Variants in JCAD observed in about 807,000 individuals in gnomAD.
JCAD encodes junctional cadherin 5 associated, also known as junctional cadherin 5-associated protein.
Under a neutral mutation model 98.0 loss-of-function variants are expected in JCAD, and 40 were observed. The ratio of observed to expected loss-of-function variants is 0.41; its 90% CI spans 0.32 to 0.53. The LOEUF (loss-of-function observed/expected upper bound fraction) is 0.53. Ranked by LOEUF, JCAD falls within the 20% of genes least tolerant of loss-of-function variation. The probability of loss-of-function intolerance (pLI) is 0.31; values close to 1 mark genes in which losing one functional copy is unlikely to be tolerated. For synonymous variants in JCAD, 691 were observed against 682.3 expected (o/e 1.01, Z -0.20); for missense variants, 1,705 against 1,738.1 (o/e 0.98, Z 0.34).
intron 1 of JCAD, among the ~76,000 whole-genome samples, chr10:30,073,926 C>A (rs369339028): frequency 2.0e-5 from 3 of 152,022 alleles, no homozygotes; most frequent in Non-Finnish European, 4.4e-5. Flanking sequence ...CACAAGACTG[C>A]GAGATAACAC....
intron 2 of JCAD, among the ~76,000 whole-genome samples, chr10:30,038,451 A>G (rs760195801): frequency 3.3e-5 from 5 of 152,026 alleles, no homozygotes; most frequent in Non-Finnish European, 5.9e-5. Flanking sequence ...TGAGACGCTG[A>G]GGTAGGAGGA....
chr10:30,026,168 C>A lies in JCAD; in HGVS notation c.3980G>T (p.Arg1327Met), dbSNP rs775991777. 17 of 1,614,214 alleles carry A rather than the reference C, an allele frequency of 1.1e-5. No individual in the cohort carries two copies. The highest frequency in any genetic ancestry group is 1.3e-5 in the African/African-American group (1 of 75,062). Reference sequence around the variant, plus strand: ...TGCTGCCGGATGCTCCTTCTCTTCCCTGGAGATGCTGTCCTTGGACACAGA... The same window carrying A: ...TGCTGCCGGATGCTCCTTCTCTTCCATGGAGATGCTGTCCTTGGACACAGA... ...SLSVSKDSIS[R>M]EEKEHPAAQK... The change falls in exon 3 of 4, where the codon AGG (arginine) becomes ATG (methionine). Residue 1327 changes from arginine to methionine, a missense_variant. Physicochemically the swap from Arg to Met is moderately conservative, Grantham distance 91. This residue lies in a region of JCAD where 1,278 missense variants were observed against 1,243.1 expected (regional missense o/e 1.03). Coordinates refer to ENST00000375377, the MANE Select transcript of JCAD (RefSeq NM_020848.4).
At chr10:30,040,562 G>A (rs753920137) in intron 2 of JCAD, among the ~76,000 whole-genome samples, 5 of 152,168 alleles carry the variant, frequency 3.3e-5, no homozygotes, top group African/African-American at 7.2e-5. Context: ...AAATATTTAT[G>A]GAGTATTCGC....
chr10:30,043,043 T>G (rs528462233), intron 2 of JCAD, among the ~76,000 whole-genome samples: 1 of 152,248 alleles, frequency 6.6e-6, no homozygotes, highest in Non-Finnish European at 1.5e-5. Flanking sequence ...AAACTATGTA[T>G]GAAGGAGAAC....
chr10:30,072,776 C>T (rs997448951), intron 1 of JCAD, among the ~76,000 whole-genome samples: 7 of 152,144 alleles, frequency 4.6e-5, no homozygotes, highest in Admixed American at 3.9e-4. Context: ...CCTCAGCCTC[C>T]GAGTAGATGT....
chr10:30,058,084 C>T (rs535258911), intron 1 of JCAD, among the ~76,000 whole-genome samples: 8 of 152,180 alleles, frequency 5.3e-5, no homozygotes. Context: ...TTTGCCAGAG[C>T]ATTTCTGGCT....
rs752913964 is a variant in JCAD, at chr10:30,028,240, G to A, written c.1908C>T (p.Ala636=). ...TTCTCCCACCCATGCTTCCTGTGAG[G>A]GCCTGCAGCTCCAGGTCGGTGGAAG... is the stretch of plus-strand genomic sequence containing the variant. The part of the protein sequence containing the change: ...SMSSTDLELQ[A]LTGSMGGRTE... Residue 636 remains alanine, a synonymous_variant, in exon 3 of 4, where the codon GCC becomes GCT. Transcript: ENST00000375377. The A allele has an allele frequency of 1.2e-6, 2 of 1,613,974 alleles. No individual in the cohort carries two copies. The highest frequency in any genetic ancestry group is 2.7e-5 in the African/African-American group (2 of 74,872).
chr10:30,029,281 A>G lies in JCAD; in HGVS notation c.867T>C (p.Phe289=). 1.2e-6 allele frequency: 2 copies of G among 1,614,022 alleles called. No individual in the cohort carries two copies. Among genetic ancestry groups the G allele is most frequent in the Non-Finnish European group, 1.7e-6 (2 of 1,180,034 alleles). Residue 289 remains phenylalanine (F), a synonymous_variant, in exon 3 of 4, where the codon TTT becomes TTC. Transcript: ENST00000375377. ...AAGATGGGGGCTTGAGGGGCCTCCC[A>G]AACTTAGGCCGGGGAAATGGGGCTG... ...GCSAPFPRPK[F]GRPLKPPSYS...
intron 1 of JCAD, among the ~76,000 whole-genome samples, chr10:30,055,820 C>CA: frequency 6.6e-6 from 1 of 151,956 alleles, no homozygotes; most frequent in East Asian, 1.9e-4. Flanking sequence ...GGCATTTGTT[C>CA]AAAAAAAGAG....
chr10:30,026,968 A>G lies in JCAD; in HGVS notation c.3180T>C (p.Gly1060=). The change falls in exon 3 of 4, where the codon GGT becomes GGC. Residue 1060 remains glycine, a synonymous_variant. Coordinates refer to ENST00000375377, the MANE Select transcript of JCAD (RefSeq NM_020848.4). ...SVGLTPGQEQ[G]ASELEGSLGE... ...CCAAAGACCCCTCTAGCTCACTGGCACCCTGTTCTTGCCCAGGGGTGAGCC... is the reference window on the plus strand; with the variant it reads ...CCAAAGACCCCTCTAGCTCACTGGCGCCCTGTTCTTGCCCAGGGGTGAGCC... The G allele has an allele frequency of 6.2e-7, 1 of 1,614,080 alleles. No homozygotes were observed. Among genetic ancestry groups the G allele is most frequent in the Non-Finnish European group, 8.5e-7 (1 of 1,180,006 alleles).
Position 30,016,643 on chromosome 10 carries a change from G to GT in JCAD, c.*1239dup, listed in dbSNP as rs1366955456. On this transcript the variant is annotated 3_prime_UTR_variant, in exon 4 of 4. Coordinates refer to ENST00000375377, the MANE Select transcript of JCAD (RefSeq NM_020848.4). ...TCAAGATCATTCTAGATAAAAATACGTATTTCTTTAAAGGGGTGGGGTGGC... is the reference window on the plus strand; with the variant it reads ...TCAAGATCATTCTAGATAAAAATACGTTATTTCTTTAAAGGGGTGGGGTGGC... The GT allele has an allele frequency of 6.0e-5, 9 of 151,228 alleles. No individual in the cohort carries two copies. Among genetic ancestry groups the GT allele is most frequent in the Admixed American group, 5.9e-4 (9 of 15,218 alleles). 9.4% of individuals were successfully genotyped at this position (151,228 alleles called of 1,614,324 possible).
chr10:30,046,403 T>G (rs1022037964), intron 2 of JCAD, among the ~76,000 whole-genome samples: 3 of 152,162 alleles, frequency 2.0e-5, no homozygotes, highest in Admixed American at 2.0e-4. Context: ...TCAGATGGGA[T>G]GCCCACATTA....
chr10:30,037,736 G>C (rs139700123), intron 2 of JCAD, among the ~76,000 whole-genome samples: 1 of 152,012 alleles, frequency 6.6e-6, no homozygotes, highest in Non-Finnish European at 1.5e-5. Flanking sequence ...ATTTGAAGAA[G>C]GGGCACAGGA....
rs1373509584 is a variant in JCAD, at chr10:30,028,367, G to A, written c.1781C>T (p.Pro594Leu). 1.9e-6 allele frequency: 3 copies of A among 1,614,028 alleles called. No individual in the cohort carries two copies. In the Admixed American group the frequency reaches 5.0e-5, roughly 27 times the overall value. Reference protein sequence around the residue: ...SIPVKSESHLPDRDMDNNDLK... With the variant: ...SIPVKSESHLLDRDMDNNDLK... Reference sequence around the variant, plus strand: ...GTCATTGTTGTCCATATCTCTATCTGGCAGATGTGATTCTGATTTCACTGG... The same window carrying A: ...GTCATTGTTGTCCATATCTCTATCTAGCAGATGTGATTCTGATTTCACTGG... Residue 594 changes from proline to leucine, a missense_variant, in exon 3 of 4, where the codon CCA (proline) becomes CTA (leucine). Physicochemically the swap from Pro to Leu is moderately conservative, Grantham distance 98. Coordinates refer to ENST00000375377, the MANE Select transcript of JCAD (RefSeq NM_020848.4).
chr10:30,031,964 C>T (rs1430244214), intron 2 of JCAD, among the ~76,000 whole-genome samples: 12 of 149,590 alleles, frequency 8.0e-5, no homozygotes, highest in South Asian at 2.1e-4. Context: ...CTGTTTTAGC[C>T]GGGATGGTCT....
At chr10:30,100,533 C>G (rs1429486218) in intron 1 of JCAD, among the ~76,000 whole-genome samples, 2 of 152,078 alleles carry the variant, frequency 1.3e-5, no homozygotes, top group Non-Finnish European at 2.9e-5. Flanking sequence ...AGGCACCCAC[C>G]ACCACACCCA....
At chr10:30,092,119 TATATATAA>T (rs1388982949) in intron 1 of JCAD, among the ~76,000 whole-genome samples, 10 of 111,728 alleles carry the variant, frequency 9.0e-5, no homozygotes, top group African/African-American at 2.5e-4. Context: ...TATATATATA[TATATATAA>T]AAAACATTTT....
At chr10:30,024,533 G>A (rs1836739272) in intron 3 of JCAD, among the ~76,000 whole-genome samples, 1 of 152,000 alleles carries the variant, frequency 6.6e-6, no homozygotes, top group African/African-American at 2.4e-5. Context: ...CTCTACCACT[G>A]CAAAGGCCCA....
At chr10:30,085,851 T>G (rs927140703) in intron 1 of JCAD, among the ~76,000 whole-genome samples, 1 of 152,234 alleles carries the variant, frequency 6.6e-6, no homozygotes, top group African/African-American at 2.4e-5. Context: ...CACATCTGCA[T>G]AGCAGGAATG....
Sources: allele counts gnomAD v4.1 joint callset (sites outside exome capture counted in the v4.1 genomes callset), GRCh38; gene constraint gnomAD v4.1.1; regional missense constraint gnomAD v4.1.1; transcripts MANE v1.5; gene names NCBI Gene and HGNC (gene_info 2026-07-23, HGNC 2026-07-21).